The following ACOT13 variants were observed in gnomAD, a reference collection of about 807,000 sequenced individuals.
ACOT13 encodes acyl-coenzyme A thioesterase 13.
Under a neutral mutation model 11.8 loss-of-function variants are expected in ACOT13, and 10 were observed. That is an observed-to-expected ratio of 0.85 (90% confidence interval 0.53 to 1.44). The LOEUF (loss-of-function observed/expected upper bound fraction) is 1.44. Among genes scored for constraint, ACOT13 ranks in the 40% most tolerant of loss-of-function variants. The pLI is 0.00. For missense variants in ACOT13, 172 were observed against 174.1 expected, an observed-to-expected ratio of 0.99 and a Z score of 0.07; for synonymous variants, 53 against 61.0, an observed-to-expected ratio of 0.87 and a Z score of 0.61.
At position 24,698,039 on chromosome 6, in the gene ACOT13, C is replaced by T; in HGVS notation, c.238C>T (p.Pro80Ser). ...MALLCTERGA[P>S]GVSVDMNITY... ...TCTGCTATGCACGGAAAGGGGAGCA[C>T]CCGGAGTCAGTGTCGATATGAACAT... The change falls in exon 2 of 3, where the codon CCC becomes TCC. Residue 80 changes from proline to serine, a missense_variant. Transcript: ENST00000230048. 1.2e-6 allele frequency: 2 copies of T among 1,609,824 alleles called. No homozygotes were observed. The highest frequency in any genetic ancestry group is 1.7e-6 in the Non-Finnish European group (2 of 1,178,450).
At chr6:24,678,965 G>A (rs1778500567) in intron 1 of ACOT13, among the ~76,000 whole-genome samples, 2 of 152,234 alleles carry the variant, frequency 1.3e-5, no homozygotes, top group Non-Finnish European at 2.9e-5. Context: ...GGCACCCTCA[G>A]TCCTGCTGCT....
At chr6:24,680,563 T>A (rs1220307115) in intron 1 of ACOT13, among the ~76,000 whole-genome samples, 2 of 152,118 alleles carry the variant, frequency 1.3e-5, no homozygotes, top group African/African-American at 4.8e-5. Context: ...TCGGATTAGT[T>A]ACGCTCACCA....
chr6:24,667,206 T>C lies in ACOT13; in HGVS notation c.-58T>C. On this transcript the variant is annotated 5_prime_UTR_variant, in exon 1 of 3. Transcript: ENST00000230048. Reference sequence around the variant, plus strand: ...CCTTCTTTCACTAACTTCTGGACTTTCCAGCTCTTCCGAAGTTCGTTCTTG... The same window carrying C: ...CCTTCTTTCACTAACTTCTGGACTTCCCAGCTCTTCCGAAGTTCGTTCTTG... 6.5e-7 allele frequency: 1 copy of C among 1,549,880 alleles called. No homozygotes were observed. Among genetic ancestry groups the C allele is most frequent in the East Asian group, 2.2e-5 (1 of 44,512 alleles).
Position 24,690,175 on chromosome 6 carries a change from C to T in ACOT13, c.82-7708C>T, listed in dbSNP as rs560889882. 2.8e-4 allele frequency among the ~76,000 whole-genome samples: 43 copies of T among 152,236 alleles called. No homozygotes were observed. In the South Asian group the frequency reaches 4.2e-3, roughly 15 times the overall value. Reference sequence around the variant, plus strand: ...GGGCTGTTCCCCTGGCCTTGATTTGCCAGATTTGCATTCCTTCAGAGCATC... The same window carrying T: ...GGGCTGTTCCCCTGGCCTTGATTTGTCAGATTTGCATTCCTTCAGAGCATC... On this transcript the variant is annotated intron_variant, in intron 1 of 2. Coordinates refer to ENST00000230048, the MANE Select transcript of ACOT13 (RefSeq NM_018473.4).
intron 1 of ACOT13, among the ~76,000 whole-genome samples, chr6:24,693,671 G>A: frequency 6.6e-6 from 1 of 151,848 alleles, no homozygotes; most frequent in Non-Finnish European, 1.5e-5. Flanking sequence ...GTCTCTTTGT[G>A]ATGAATTGTA....
chr6:24,672,532 G>T (rs1401424977), intron 1 of ACOT13, among the ~76,000 whole-genome samples: 2 of 152,154 alleles, frequency 1.3e-5, no homozygotes, highest in African/African-American at 4.8e-5. Context: ...CCAGCTACTC[G>T]GGAGGCTGAG....
chr6:24,679,621 G>A (rs1164629247), intron 1 of ACOT13, among the ~76,000 whole-genome samples: 1 of 152,132 alleles, frequency 6.6e-6, no homozygotes, highest in Non-Finnish European at 1.5e-5. Context: ...CCCAATGAGG[G>A]TCTACACTGG....
At chr6:24,699,262 T>C (rs577091057) in intron 2 of ACOT13, among the ~76,000 whole-genome samples, 1 of 143,796 alleles carries the variant, frequency 7.0e-6, no homozygotes, top group East Asian at 2.1e-4. Flanking sequence ...CAGGCTGGAG[T>C]GCAGTGGTGC....
At chr6:24,681,427 T>C (rs7752101) in intron 1 of ACOT13, among the ~76,000 whole-genome samples, 116,698 of 152,188 alleles carry the variant, frequency 0.77, 45,485 homozygotes, top group African/African-American at 0.9. Context: ...TATAGAGTCA[T>C]AGAGAAGACC....
chr6:24,687,789 G>A (rs566911071), intron 1 of ACOT13: 16 of 1,215,648 alleles, frequency 1.3e-5, no homozygotes, highest in African/African-American at 1.7e-5. Flanking sequence ...TGGCTCAACT[G>A]CAACCTCTGC....
chr6:24,677,774 A>G (rs1778480019), intron 1 of ACOT13, among the ~76,000 whole-genome samples: 1 of 152,194 alleles, frequency 6.6e-6, no homozygotes, highest in African/African-American at 2.4e-5. Flanking sequence ...GTACCTGGGA[A>G]TCCATATTCG....
intron 2 of ACOT13, among the ~76,000 whole-genome samples, chr6:24,700,420 T>G (rs904835763): frequency 2.1e-5 from 3 of 143,894 alleles, no homozygotes; most frequent in African/African-American, 7.8e-5. Flanking sequence ...AGCAATAAGA[T>G]CCACCTTTTT....
At chr6:24,681,966 A>G (rs1028095172) in intron 1 of ACOT13, among the ~76,000 whole-genome samples, 1 of 152,206 alleles carries the variant, frequency 6.6e-6, no homozygotes, top group Non-Finnish European at 1.5e-5. Context: ...TGGCTGCGCC[A>G]TGATCTCAAC....
intron 2 of ACOT13, 70 bp from the exon 3 acceptor site, chr6:24,701,389 T>G: frequency 7.3e-7 from 1 of 1,377,054 alleles, no homozygotes; most frequent in Non-Finnish European, 1.0e-6. Context: ...ATAGGAACAC[T>G]GTTGTGAGAT....
At chr6:24,687,345 A>G in intron 1 of ACOT13, 1 of 889,594 alleles carries the variant, frequency 1.1e-6, no homozygotes, top group Non-Finnish European at 1.4e-6. Context: ...TCTGCAGTAA[A>G]TAAATATGCT....
rs1021106947 is a variant in ACOT13, at chr6:24,675,724, C to T, written c.81+8380C>T. Reference sequence around the variant, plus strand: ...TAGTTTCTTTTGCTGTGCAGAAGCTCTTTAGTTTAATTAGCTCCCATTTGT... The same window carrying T: ...TAGTTTCTTTTGCTGTGCAGAAGCTTTTTAGTTTAATTAGCTCCCATTTGT... On this transcript the variant is annotated intron_variant, in intron 1 of 2. Coordinates refer to ENST00000230048, the MANE Select transcript of ACOT13 (RefSeq NM_018473.4). Among the ~76,000 whole-genome samples the T allele has an allele frequency of 4.6e-5, 7 of 152,162 alleles. No individual in the cohort carries two copies. The East Asian group carries it at 1.3e-3, about 29-fold the overall frequency.
At chr6:24,697,063 C>T (rs1415973380) in intron 1 of ACOT13, among the ~76,000 whole-genome samples, 2 of 152,166 alleles carry the variant, frequency 1.3e-5, no homozygotes, top group South Asian at 2.1e-4. Context: ...CGTGAGCCAC[C>T]GTGCCCAGCC....
chr6:24,672,724 C>G (rs928016954), intron 1 of ACOT13, among the ~76,000 whole-genome samples: 15 of 152,118 alleles, frequency 9.9e-5, no homozygotes, highest in African/African-American at 3.6e-4. Flanking sequence ...TCAAGAAAAC[C>G]TTGTTAATCT....
intron 2 of ACOT13, 46 bp from the exon 3 acceptor site, chr6:24,701,413 C>A: frequency 6.4e-7 from 1 of 1,554,384 alleles, no homozygotes; most frequent in Non-Finnish European, 8.7e-7. Flanking sequence ...CACAACTTTC[C>A]CTTTGAAAAA....
Sources: allele counts gnomAD v4.1 joint callset (sites outside exome capture counted in the v4.1 genomes callset), GRCh38; gene constraint gnomAD v4.1.1; transcripts MANE v1.5; gene names NCBI Gene and HGNC (gene_info 2026-07-23, HGNC 2026-07-21).